Variants in GRAMD2B observed in about 807,000 individuals in gnomAD.
The protein encoded by GRAMD2B is GRAM domain containing 2B.
Under a neutral mutation model 59.2 loss-of-function variants are expected in GRAMD2B, and 41 were observed. The ratio of observed to expected loss-of-function variants is 0.69; its 90% CI spans 0.54 to 0.90. The LOEUF (loss-of-function observed/expected upper bound fraction) is 0.90. Among genes scored for constraint, GRAMD2B ranks in the 40% least tolerant of loss-of-function variants. GRAMD2B has a pLI of 0.00. For synonymous variants in GRAMD2B, 161 were observed against 182.7 expected, an observed-to-expected ratio of 0.88 and a Z score of 0.96; for missense variants, 424 against 500.5, an observed-to-expected ratio of 0.85 and a Z score of 1.46.
Position 126,492,993 on chromosome 5 carries a change from T to G in GRAMD2B, c.*37T>G, listed in dbSNP as rs1774214305. ...GCTTGGGCCATCGGAATACCTCATGTTTCCCTTTGAAGAAGGTGCTTCCTG... is the reference window on the plus strand; with the variant it reads ...GCTTGGGCCATCGGAATACCTCATGGTTCCCTTTGAAGAAGGTGCTTCCTG... On this transcript the variant is annotated 3_prime_UTR_variant, in exon 14 of 14. Coordinates refer to ENST00000285689, the MANE Select transcript of GRAMD2B (RefSeq NM_023927.4). The G allele has an allele frequency of 6.3e-7, 1 of 1,583,656 alleles. No individual in the cohort carries two copies. The highest frequency in any genetic ancestry group is 1.3e-5 in the African/African-American group (1 of 74,240).
chr5:126,360,859 C>T (rs1023164660), intron 1 of GRAMD2B, among the ~76,000 whole-genome samples: 2 of 152,154 alleles, frequency 1.3e-5, no homozygotes, highest in Admixed American at 6.5e-5. Flanking sequence ...CATTTCAGCT[C>T]AGGAAAACTA....
chr5:126,361,508 A>AAAT (rs1754221899), intron 1 of GRAMD2B, among the ~76,000 whole-genome samples: 1 of 151,238 alleles, frequency 6.6e-6, no homozygotes, highest in African/African-American at 2.4e-5. Context: ...AAAAAAAAAA[A>AAAT]ATTCTGTTTC....
intron 1 of GRAMD2B, among the ~76,000 whole-genome samples, chr5:126,433,337 T>C (rs2149806881): frequency 6.6e-6 from 1 of 152,304 alleles, no homozygotes; most frequent in East Asian, 1.9e-4. Context: ...AGGCAGGCAG[T>C]CTAAACTGAA....
chr5:126,432,916 G>C (rs949386239), intron 1 of GRAMD2B, among the ~76,000 whole-genome samples: 2 of 152,162 alleles, frequency 1.3e-5, no homozygotes, highest in African/African-American at 4.8e-5. Context: ...TGAGCTATAA[G>C]AGAAAAGCAG....
At chr5:126,371,001 C>A (rs1754720370), upstream of GRAMD2B, among the ~76,000 whole-genome samples, 1 of 152,226 alleles carries the variant, frequency 6.6e-6, no homozygotes, top group African/African-American at 2.4e-5. Context: ...TGAGTACAGG[C>A]ATAAAGCACA....
At chr5:126,366,910 A>C (rs2149686520), upstream of GRAMD2B, among the ~76,000 whole-genome samples, 1 of 135,958 alleles carries the variant, frequency 7.4e-6, no homozygotes, top group African/African-American at 2.8e-5. Flanking sequence ...GCTGGAGTGC[A>C]GTGGCGCGAT....
intron 2 of GRAMD2B, chr5:126,466,189 G>A (rs1768347430): frequency 1.3e-6 from 2 of 1,509,836 alleles, no homozygotes; most frequent in Non-Finnish European, 1.8e-6. Flanking sequence ...AATCATTGTG[G>A]TCCTTCACCA....
chr5:126,389,825 G>A (rs1224024388), intron 1 of GRAMD2B, among the ~76,000 whole-genome samples: 2 of 152,062 alleles, frequency 1.3e-5, no homozygotes, highest in Non-Finnish European at 2.9e-5. Context: ...GTGCGTGCTT[G>A]TAGTCCCAGC....
chr5:126,394,274 C>CAAAA (rs372281197), intron 1 of GRAMD2B, among the ~76,000 whole-genome samples: 1 of 119,074 alleles, frequency 8.4e-6, no homozygotes. Context: ...GACTCTGTCT[C>CAAAA]AAAAAAAAAA....
chr5:126,413,125 T>C (rs1449263834), intron 1 of GRAMD2B, among the ~76,000 whole-genome samples: 1 of 152,152 alleles, frequency 6.6e-6, no homozygotes, highest in East Asian at 1.9e-4. Context: ...CATCTAATTT[T>C]AGTTATTTAT....
At chr5:126,360,384 T>G in exon 1 of GRAMD2B, 1 of 1,551,362 alleles carries the variant, frequency 6.4e-7, no homozygotes, top group Non-Finnish European at 8.7e-7. Context: ...CAGCAAACAT[T>G]CCAAGCACAG....
chr5:126,406,511 C>T (rs1446965138), intron 1 of GRAMD2B, among the ~76,000 whole-genome samples: 2 of 151,794 alleles, frequency 1.3e-5, no homozygotes, highest in Non-Finnish European at 2.9e-5. Context: ...CCCTAAAAGT[C>T]CTCTACCCCC....
rs1370611035 is a variant in GRAMD2B at position 126,477,542 on chromosome 5, G to GT, written c.487-149dup. On this transcript the variant is annotated intron_variant, in intron 5 of 13. Coordinates refer to ENST00000285689, the MANE Select transcript of GRAMD2B (RefSeq NM_023927.4). ...CTCAGTGATACATCCCTGCCACTCT[G>GT]TAAGACTGGCTTTTTTTCATGGAGG... 13 of 657,596 alleles carry GT rather than the reference G, an allele frequency of 2.0e-5. No individual in the cohort carries two copies. In the African/African-American group the frequency reaches 2.2e-4, roughly 11 times the overall value. 40.7% of individuals were successfully genotyped at this position (657,596 alleles called of 1,614,324 possible).
At chr5:126,450,994 C>T (rs1044529758) in intron 1 of GRAMD2B, among the ~76,000 whole-genome samples, 2 of 152,256 alleles carry the variant, frequency 1.3e-5, no homozygotes, top group African/African-American at 4.8e-5. Context: ...CAACAGGGCA[C>T]TGCCTAGTGG....
At chr5:126,400,044 C>T (rs145086799) in intron 1 of GRAMD2B, among the ~76,000 whole-genome samples, 5 of 151,210 alleles carry the variant, frequency 3.3e-5, no homozygotes, top group African/African-American at 1.2e-4. Flanking sequence ...TCCTTTGTTC[C>T]TTTCTTTGTG....
At position 126,483,482 on chromosome 5, in the gene GRAMD2B, C is replaced by T. The variant is rs1772265489; in HGVS notation, c.755C>T (p.Ser252Leu). ...SLPLDFNDEF[S>L]DLDGVVQQRR... The stretch of plus-strand genomic sequence containing the variant: ...TTTCAGGATTTCAATGATGAATTCT[C>T]AGATCTGGATGGAGTGGTTCAACAA... Residue 252 changes from serine (S) to leucine (L), a missense_variant, in exon 9 of 14, where the codon TCA (serine) becomes TTA (leucine). By Grantham distance (145) the Ser-to-Leu change is moderately radical. Coordinates refer to ENST00000285689, the MANE Select transcript of GRAMD2B (RefSeq NM_023927.4). The T allele has an allele frequency of 5.0e-6, 8 of 1,608,410 alleles. No individual in the cohort carries two copies. The East Asian group carries it at 1.6e-4, about 31-fold the overall frequency.
intron 2 of GRAMD2B, among the ~76,000 whole-genome samples, chr5:126,468,328 G>A (rs977041018): frequency 6.6e-6 from 1 of 152,002 alleles, no homozygotes; most frequent in African/African-American, 2.4e-5. Flanking sequence ...CATGTTTTGT[G>A]GTTTCATTTT....
intron 6 of GRAMD2B, among the ~76,000 whole-genome samples, chr5:126,478,635 G>A (rs1168007445): frequency 6.6e-6 from 1 of 151,816 alleles, no homozygotes; most frequent in Non-Finnish European, 1.5e-5. Flanking sequence ...CAGCTACTGG[G>A]GAGGCTGAGG....
At chr5:126,435,757 A>C (rs1762308762) in intron 1 of GRAMD2B, among the ~76,000 whole-genome samples, 1 of 152,236 alleles carries the variant, frequency 6.6e-6, no homozygotes, top group Non-Finnish European at 1.5e-5. Flanking sequence ...GAACAAACCA[A>C]GGAAAGCCTT....
Sources: gnomAD v4.1 joint callset for allele counts (sites outside exome capture counted in the v4.1 genomes callset) on GRCh38, gnomAD v4.1.1 for gene constraint, MANE v1.5 for transcripts, NCBI Gene and HGNC (gene_info 2026-07-23, HGNC 2026-07-21) for gene names.